The following ZFAND3 variants were observed in gnomAD, a reference collection of about 807,000 sequenced individuals.
The protein encoded by ZFAND3 is zinc finger AN1-type containing 3, also known as AN1-type zinc finger protein 3.
A neutral mutation model predicts 29.6 loss-of-function variants in ZFAND3; 10 were observed. That is an observed-to-expected ratio of 0.34 (90% CI 0.21 to 0.57). The LOEUF (loss-of-function observed/expected upper bound fraction) is 0.57, where lower values mean the gene tolerates loss of function less well. ZFAND3 is among the 20% of genes least tolerant of loss of function. The probability of loss-of-function intolerance (pLI) is 0.86; values close to 1 mark genes in which losing one functional copy is unlikely to be tolerated. For missense variants in ZFAND3, 230 were observed against 304.5 expected (o/e 0.76, Z 1.82); for synonymous variants, 128 against 112.6 (o/e 1.14, Z -0.87).
chr6:37,999,242 C>T (rs944694040), intron 2 of ZFAND3, among the ~76,000 whole-genome samples: 12 of 152,110 alleles, frequency 7.9e-5, no homozygotes, highest in African/African-American at 2.9e-4. Context: ...CAAGTTGTAA[C>T]CCGAAATATA....
chr6:38,152,761 G>A lies in ZFAND3; in HGVS notation c.*372G>A. 4.0e-6 allele frequency: 4 copies of A among 1,000,480 alleles called. No individual in the cohort carries two copies. The highest frequency in any genetic ancestry group is 4.8e-6 in the Non-Finnish European group (4 of 840,124). The allele number at this position is 1,000,480 out of a possible 1,614,324, so 62.0% of individuals were successfully genotyped here. The stretch of plus-strand genomic sequence containing the variant: ...AGTTAATAGAGGAGTAGAAGCTGGT[G>A]TTAAAGTTCCCACGACGCACATGGC... On this transcript the variant is annotated 3_prime_UTR_variant, in exon 6 of 6. Coordinates refer to ENST00000287218, the MANE Select transcript of ZFAND3 (RefSeq NM_021943.3).
chr6:37,940,019 G>A (rs1761784226), intron 2 of ZFAND3, among the ~76,000 whole-genome samples: 1 of 152,130 alleles, frequency 6.6e-6, no homozygotes, highest in Non-Finnish European at 1.5e-5. Context: ...CAGCCTGGGC[G>A]ACAGAGCAAG....
intron 1 of ZFAND3, among the ~76,000 whole-genome samples, chr6:37,925,519 A>G (rs192999174): frequency 2.0e-5 from 3 of 152,258 alleles, no homozygotes; most frequent in East Asian, 1.9e-4. Context: ...CCTGGCCAAC[A>G]TGGTGAAAAC....
chr6:37,835,669 G>T (rs1394780906), intron 1 of ZFAND3, among the ~76,000 whole-genome samples: 1 of 152,168 alleles, frequency 6.6e-6, no homozygotes, highest in Non-Finnish European at 1.5e-5. Context: ...CTTACTGGGA[G>T]ACCATAGCCT....
rs907850556 is a variant in ZFAND3, at chr6:38,152,844, C to T, written c.*455C>T. On this transcript the variant is annotated 3_prime_UTR_variant, in exon 6 of 6. Coordinates refer to ENST00000287218, the MANE Select transcript of ZFAND3 (RefSeq NM_021943.3). ...TCACCTCTTCACTTATCCTTAGTCC[C>T]AGTAGCCAGGATACCTGATGGCCAC... 1 of 986,158 alleles carries T rather than the reference C, an allele frequency of 1.0e-6. No individual in the cohort carries two copies. The highest frequency in any genetic ancestry group is 1.2e-6 in the Non-Finnish European group (1 of 830,182). The allele number at this position is 986,158 out of a possible 1,614,324, so 61.1% of individuals were successfully genotyped here. A position where few individuals can be genotyped will look rare whatever the true frequency, so the allele number is the denominator to read the frequency against.
chr6:38,105,974 G>T (rs1007254992), intron 4 of ZFAND3, among the ~76,000 whole-genome samples: 5 of 151,944 alleles, frequency 3.3e-5, no homozygotes, highest in Non-Finnish European at 7.4e-5. Context: ...GAAAAAAATT[G>T]AGCCCCGTGG....
intron 1 of ZFAND3, among the ~76,000 whole-genome samples, chr6:37,849,576 T>C (rs1044146281): frequency 6.6e-6 from 1 of 151,716 alleles, no homozygotes; most frequent in African/African-American, 2.4e-5. Context: ...GCCTGGCTAA[T>C]TTTTTGTATT....
intron 2 of ZFAND3, among the ~76,000 whole-genome samples, chr6:38,029,586 A>T (rs1278998039): frequency 3.3e-5 from 5 of 152,208 alleles, no homozygotes; most frequent in Non-Finnish European, 7.3e-5. Context: ...TAGCCAAAAC[A>T]TATAAAGAAT....
At chr6:38,003,199 C>A (rs1375977462) in intron 2 of ZFAND3, 3 of 153,520 alleles carry the variant, frequency 2.0e-5, no homozygotes, top group African/African-American at 7.2e-5. Flanking sequence ...GCCATGGTTA[C>A]ATTTTCTTTA....
intron 4 of ZFAND3, among the ~76,000 whole-genome samples, chr6:38,103,747 T>G (rs535204553): frequency 1.2e-4 from 18 of 152,178 alleles, no homozygotes. Flanking sequence ...AGATTAAAAT[T>G]AGGGGACTTG....
At chr6:37,951,434 T>A (rs900663973) in intron 2 of ZFAND3, among the ~76,000 whole-genome samples, 4 of 151,884 alleles carry the variant, frequency 2.6e-5, no homozygotes, top group Non-Finnish European at 5.9e-5. Flanking sequence ...CTACTAAAAA[T>A]ACAAAAAAAA....
chr6:38,135,495 A>C (rs1441810092), intron 5 of ZFAND3, among the ~76,000 whole-genome samples: 1 of 152,246 alleles, frequency 6.6e-6, no homozygotes, highest in African/African-American at 2.4e-5. Flanking sequence ...CTGTAATCCC[A>C]GCACTTTGGG....
At chr6:37,882,300 T>G (rs1011385723) in intron 1 of ZFAND3, among the ~76,000 whole-genome samples, 3 of 152,176 alleles carry the variant, frequency 2.0e-5, no homozygotes, top group African/African-American at 4.8e-5. Context: ...CCCCTCCCCG[T>G]AGGCTCTTCA....
chr6:37,926,691 T>C (rs1263785644), intron 1 of ZFAND3, among the ~76,000 whole-genome samples: 2 of 152,216 alleles, frequency 1.3e-5, no homozygotes, highest in Non-Finnish European at 2.9e-5. Flanking sequence ...CCCTTGGTTT[T>C]AGAAACGTGG....
chr6:38,037,280 C>T (rs1055203689), intron 2 of ZFAND3, among the ~76,000 whole-genome samples: 1 of 152,160 alleles, frequency 6.6e-6, no homozygotes, highest in Non-Finnish European at 1.5e-5. Flanking sequence ...GAGTGACAAC[C>T]AATTCGTGGT....
At chr6:38,130,605 A>G (rs1037361734) in intron 5 of ZFAND3, among the ~76,000 whole-genome samples, 2 of 152,138 alleles carry the variant, frequency 1.3e-5, no homozygotes, top group African/African-American at 4.8e-5. Flanking sequence ...TTTGTGTGGT[A>G]TATCCCATTT....
At chr6:38,064,903 T>G (rs770959402) in intron 3 of ZFAND3, among the ~76,000 whole-genome samples, 9 of 152,146 alleles carry the variant, frequency 5.9e-5, no homozygotes, top group Non-Finnish European at 5.9e-5. Flanking sequence ...AAGTTTGTAT[T>G]GTGTGCAACT....
At chr6:37,923,389 C>T (rs991329615) in intron 1 of ZFAND3, among the ~76,000 whole-genome samples, 1 of 152,220 alleles carries the variant, frequency 6.6e-6, no homozygotes, top group Non-Finnish European at 1.5e-5. Context: ...TCTTTTCCCA[C>T]TGGAAGGTCT....
At chr6:38,000,496 G>A (rs1423372679) in intron 2 of ZFAND3, among the ~76,000 whole-genome samples, 1 of 152,134 alleles carries the variant, frequency 6.6e-6, no homozygotes, top group Non-Finnish European at 1.5e-5. Flanking sequence ...CAAAGGAGAA[G>A]CAGAGACACA....
Sources: allele counts gnomAD v4.1 joint callset (sites outside exome capture counted in the v4.1 genomes callset), GRCh38; gene constraint gnomAD v4.1.1; transcripts MANE v1.5; gene names NCBI Gene and HGNC (gene_info 2026-07-23, HGNC 2026-07-21).